The following PREP variants were observed in gnomAD, a reference collection of about 807,000 sequenced individuals.
PREP encodes prolyl endopeptidase.
A neutral mutation model predicts 87.6 loss-of-function variants in PREP; 29 were observed. The ratio of observed to expected loss-of-function variants is 0.33; its 90% CI spans 0.25 to 0.45. PREP has a LOEUF of 0.45. Ranked by LOEUF, PREP falls within the 20% of genes least tolerant of loss-of-function variation. The pLI, the probability that PREP is intolerant of heterozygous loss-of-function variation, is 1.00. For missense variants in PREP, 695 were observed against 886.5 expected, an observed-to-expected ratio of 0.78 and a Z score of 2.74; for synonymous variants, 337 against 328.6, an observed-to-expected ratio of 1.03 and a Z score of -0.28.
In PREP at chr6:105,325,397, T is replaced by C. The variant is rs947272610; in HGVS notation, c.1214-1629A>G. Among the ~76,000 whole-genome samples, 10 of 152,318 alleles carry C rather than the reference T, an allele frequency of 6.6e-5. No homozygotes were observed. In the South Asian group the frequency reaches 2.1e-3, roughly 32 times the overall value. ...GAGACAAGGCACCAAAGTACTAGAA[T>C]GCAAGTTCTGTAGTGAAAGACAATG... On this transcript the variant is annotated intron_variant, in intron 9 of 14. Transcript: ENST00000652536.
intron 9 of PREP, among the ~76,000 whole-genome samples, chr6:105,327,338 C>T (rs1228516532): frequency 6.6e-6 from 1 of 152,138 alleles, no homozygotes; most frequent in African/African-American, 2.4e-5. Context: ...ACCCTGAAGT[C>T]GAATTCTCGA....
intron 2 of PREP, among the ~76,000 whole-genome samples, chr6:105,387,345 C>G (rs552980062): frequency 1.6e-4 from 25 of 152,278 alleles, no homozygotes; most frequent in African/African-American, 5.8e-4. Context: ...TGAAAAACTG[C>G]AGATGACTGA....
chr6:105,281,938 C>T, intron 13 of PREP, 36 bp from the exon 14 acceptor site: 2 of 1,606,484 alleles, frequency 1.2e-6, no homozygotes, highest in Non-Finnish European at 1.7e-6. Flanking sequence ...GGGAGGCAGT[C>T]TATCATTAAA....
intron 12 of PREP, among the ~76,000 whole-genome samples, chr6:105,284,668 C>G (rs1466936962): frequency 2.0e-5 from 3 of 152,142 alleles, no homozygotes; most frequent in East Asian, 1.9e-4. Flanking sequence ...CCTCCCTCCC[C>G]CAAAGACACA....
At chr6:105,315,142 G>C (rs1164361906) in intron 10 of PREP, among the ~76,000 whole-genome samples, 1 of 152,128 alleles carries the variant, frequency 6.6e-6, no homozygotes. Flanking sequence ...AGTGAATTTA[G>C]CACAATTCTT....
At chr6:105,339,355 C>A (rs550526643) in intron 7 of PREP, among the ~76,000 whole-genome samples, 1 of 152,242 alleles carries the variant, frequency 6.6e-6, no homozygotes, top group South Asian at 2.1e-4. Flanking sequence ...ACAGAAAGGA[C>A]ACCCACACCA....
chr6:105,286,002 C>T, intron 11 of PREP, among the ~76,000 whole-genome samples: 1 of 152,202 alleles, frequency 6.6e-6, no homozygotes, highest in East Asian at 1.9e-4. Flanking sequence ...TCTTGAATTC[C>T]TGACCTCAAG....
chr6:105,330,010 G>A (rs1292446067), intron 8 of PREP, among the ~76,000 whole-genome samples: 1 of 152,198 alleles, frequency 6.6e-6, no homozygotes, highest in Non-Finnish European at 1.5e-5. Context: ...CAGGAATGAG[G>A]AGAGGGGAAA....
intron 5 of PREP, among the ~76,000 whole-genome samples, chr6:105,371,271 G>A (rs11968706): frequency 2.0e-5 from 3 of 152,102 alleles, no homozygotes; most frequent in Non-Finnish European, 4.4e-5. Context: ...TTGGGAGGCC[G>A]AGGTGGGAGG....
intron 2 of PREP, among the ~76,000 whole-genome samples, chr6:105,385,617 C>G (rs1772971550): frequency 1.3e-5 from 2 of 152,126 alleles, no homozygotes; most frequent in African/African-American, 2.4e-5. Flanking sequence ...CCAGATAACT[C>G]TAAGGATGAA....
intron 10 of PREP, among the ~76,000 whole-genome samples, chr6:105,295,926 G>A (rs1318459089): frequency 6.6e-6 from 1 of 152,178 alleles, no homozygotes; most frequent in African/African-American, 2.4e-5. Context: ...TATGTTCTGT[G>A]ATTGGTAATG....
chr6:105,302,045 C>T (rs1287052390), intron 10 of PREP, among the ~76,000 whole-genome samples: 1 of 152,174 alleles, frequency 6.6e-6, no homozygotes, highest in East Asian at 1.9e-4. Context: ...ACACACAGGG[C>T]TAGGATGAAT....
rs535478106 is a variant in PREP, at chr6:105,327,305, G to A, written c.1213+1524C>T. The stretch of plus-strand genomic sequence containing the variant: ...TGTACTCCAGGTTCTAGGGGGAAGA[G>A]GGAATGGGGGGAGGTGCAGGACACC... On this transcript the variant is annotated intron_variant, in intron 9 of 14. Transcript: ENST00000652536. 3.3e-5 allele frequency among the ~76,000 whole-genome samples: 5 copies of A among 152,224 alleles called. No homozygotes were observed. In the East Asian group the frequency reaches 7.7e-4, roughly 24 times the overall value.
At chr6:105,386,494 T>A (rs67151387) in intron 2 of PREP, among the ~76,000 whole-genome samples, 16,973 of 152,100 alleles carry the variant, frequency 0.11, 1,252 homozygotes, top group African/African-American at 0.2. Context: ...ATTCAAATGG[T>A]CAGAGGATCT....
At chr6:105,327,705 T>C (rs1455245760) in intron 9 of PREP, among the ~76,000 whole-genome samples, 1 of 152,170 alleles carries the variant, frequency 6.6e-6, no homozygotes, top group Non-Finnish European at 1.5e-5. Flanking sequence ...ACCAAACGAC[T>C]GCAGCAAAAC....
intron 1 of PREP, 92 bp downstream of exon 1, chr6:105,402,755 G>C (rs1289915060): frequency 2.2e-5 from 27 of 1,224,820 alleles, no homozygotes; most frequent in Non-Finnish European, 2.9e-5. Context: ...GGGGGTCGAA[G>C]GCCTACAGGA....
At chr6:105,349,102 T>C (rs1265601692) in intron 7 of PREP, among the ~76,000 whole-genome samples, 2 of 152,072 alleles carry the variant, frequency 1.3e-5, no homozygotes, top group Non-Finnish European at 2.9e-5. Context: ...TTCTATACAG[T>C]GATGCATGAG....
intron 10 of PREP, chr6:105,322,294 G>A (rs1046348200): frequency 2.1e-5 from 19 of 919,692 alleles, no homozygotes; most frequent in East Asian, 2.4e-4. Context: ...TATTTCTAAC[G>A]TTGATTGAAA....
chr6:105,371,660 CATAAG>C (rs1037250430), intron 5 of PREP, among the ~76,000 whole-genome samples: 15 of 151,900 alleles, frequency 9.9e-5, no homozygotes, highest in African/African-American at 3.6e-4. Context: ...GAGGGAAAAA[CATAAG>C]ATAATACCAG....
Sources: allele counts gnomAD v4.1 joint callset (sites outside exome capture counted in the v4.1 genomes callset), GRCh38; gene constraint gnomAD v4.1.1; transcripts MANE v1.5; gene names NCBI Gene and HGNC (gene_info 2026-07-23, HGNC 2026-07-21).